TRPC4AP: variants seen among roughly 807,000 people sequenced by gnomAD.
TRPC4AP encodes the protein short transient receptor potential channel 4-associated protein.
Under a neutral mutation model 99.0 loss-of-function variants are expected in TRPC4AP, and 45 were observed. The ratio of observed to expected loss-of-function variants is 0.45; its 90% CI spans 0.36 to 0.58. TRPC4AP has a LOEUF of 0.58. Ranked by LOEUF, TRPC4AP falls within the 20% of genes least tolerant of loss-of-function variation. The probability of loss-of-function intolerance (pLI) is 0.00; values close to 1 mark genes in which losing one functional copy is unlikely to be tolerated. For missense variants in TRPC4AP, 879 were observed against 985.3 expected, an observed-to-expected ratio of 0.89 and a Z score of 1.44; for synonymous variants, 408 against 385.8, an observed-to-expected ratio of 1.06 and a Z score of -0.67.
At chr20:35,091,918 G>C (rs2085077514) in intron 1 of TRPC4AP, among the ~76,000 whole-genome samples, 1 of 152,140 alleles carries the variant, frequency 6.6e-6, no homozygotes. Flanking sequence ...ACCTGCCCAA[G>C]CAAGAGAGAG....
At chr20:35,087,607 G>A (rs2084924268) in intron 1 of TRPC4AP, among the ~76,000 whole-genome samples, 1 of 152,098 alleles carries the variant, frequency 6.6e-6, no homozygotes, top group East Asian at 1.9e-4. Context: ...ATCATTTGGG[G>A]CCTTGTACGC....
At chr20:35,068,978 C>CACA (rs748790693) in intron 3 of TRPC4AP, among the ~76,000 whole-genome samples, 9 of 95,192 alleles carry the variant, frequency 9.5e-5, no homozygotes, top group South Asian at 2.8e-4. Flanking sequence ...CACACACACA[C>CACA]AAAAAAAACA....
intron 9 of TRPC4AP, among the ~76,000 whole-genome samples, chr20:35,018,199 G>A (rs6120797): frequency 0.19 from 28,176 of 152,136 alleles, 2,702 homozygotes; most frequent in Middle Eastern, 0.34. Context: ...GGAAGAGAGG[G>A]GCCTTCTAAG....
chr20:35,046,063 A>G (rs1469295427), intron 6 of TRPC4AP, among the ~76,000 whole-genome samples: 1 of 152,214 alleles, frequency 6.6e-6, no homozygotes, highest in Non-Finnish European at 1.5e-5. Flanking sequence ...CTGTGTACAC[A>G]TGTATGTGAC....
intron 5 of TRPC4AP, among the ~76,000 whole-genome samples, chr20:35,052,176 C>T (rs1355094153): frequency 2.6e-5 from 4 of 151,354 alleles, no homozygotes; most frequent in East Asian, 1.9e-4. Flanking sequence ...CATGGCTCAC[C>T]GCAGCCTTAA....
chr20:35,058,754 A>G (rs1220507172), intron 3 of TRPC4AP, among the ~76,000 whole-genome samples: 2 of 130,816 alleles, frequency 1.5e-5, no homozygotes, highest in African/African-American at 3.0e-5. Context: ...CAATAGCCCT[A>G]TCTCGGCTCA....
intron 7 of TRPC4AP, among the ~76,000 whole-genome samples, chr20:35,038,646 G>T (rs371635382): frequency 6.6e-6 from 1 of 152,094 alleles, no homozygotes; most frequent in African/African-American, 2.4e-5. Flanking sequence ...CCCATGATTG[G>T]GCATGTATAG....
chr20:35,092,472 C>G (rs2085100973), intron 1 of TRPC4AP, 142 bp downstream of exon 1: 1 of 1,013,934 alleles, frequency 9.9e-7, no homozygotes, highest in African/African-American at 1.7e-5. Flanking sequence ...TGAGAGCGTC[C>G]GGGCAGCTCA....
intron 8 of TRPC4AP, among the ~76,000 whole-genome samples, chr20:35,031,874 CTTGA>C (rs2083203703): frequency 6.6e-6 from 1 of 151,914 alleles, no homozygotes; most frequent in Non-Finnish European, 1.5e-5. Context: ...ATTTTTTCAT[CTTGA>C]TTATTATACT....
intron 2 of TRPC4AP, among the ~76,000 whole-genome samples, chr20:35,076,073 G>A (rs1029933475): frequency 2.2e-4 from 33 of 151,996 alleles, no homozygotes; most frequent in Non-Finnish European, 1.5e-4. Context: ...TTGTGCATGC[G>A]TCACGTAGTT....
At chr20:35,066,138 T>G (rs1481746127) in intron 3 of TRPC4AP, among the ~76,000 whole-genome samples, 2 of 152,100 alleles carry the variant, frequency 1.3e-5, no homozygotes, top group African/African-American at 2.4e-5. Flanking sequence ...GGGGTCTTGC[T>G]CTGTCACCCA....
chr20:35,056,869 C>T (rs2083841337), intron 4 of TRPC4AP, among the ~76,000 whole-genome samples: 1 of 149,956 alleles, frequency 6.7e-6, no homozygotes, highest in African/African-American at 2.5e-5. Context: ...GCCTGTAATC[C>T]CAGCTACTTG....
chr20:35,048,080 C>A (rs2083601237), intron 6 of TRPC4AP, among the ~76,000 whole-genome samples: 1 of 152,136 alleles, frequency 6.6e-6, no homozygotes, highest in African/African-American at 2.4e-5. Context: ...TCCTTGATTG[C>A]CAATCAAGTT....
chr20:35,011,728 C>G (rs1320952501), intron 11 of TRPC4AP, among the ~76,000 whole-genome samples: 2 of 152,204 alleles, frequency 1.3e-5, no homozygotes, highest in South Asian at 2.1e-4. Context: ...GGTCTTCCCT[C>G]GTTCAGGGGC....
chr20:35,024,854 A>AAAAAAAAAAAAAAAT lies in TRPC4AP; in HGVS notation c.1052-3499_1052-3498insATTTTTTTTTTTTTT, dbSNP rs1479270980. 2.2e-4 allele frequency among the ~76,000 whole-genome samples: 20 copies of AAAAAAAAAAAAAAAT among 89,472 alleles called. 4 individuals are homozygous for AAAAAAAAAAAAAAAT. Among genetic ancestry groups the AAAAAAAAAAAAAAAT allele is most frequent in the East Asian group, 8.8e-4 (2 of 2,280 alleles). 58.7% of individuals were successfully genotyped at this position (89,472 alleles called of 152,430 possible). On this transcript the variant is annotated intron_variant, in intron 8 of 18. Coordinates refer to ENST00000252015, the MANE Select transcript of TRPC4AP (RefSeq NM_015638.3). ...AAAAAAAAAAAAAAAAAAAAAAAAA[A>AAAAAAAAAAAAAAAT]ATTCTGTTTATTCATTAATCAGGTG...
chr20:35,027,380 G>A (rs1243675503), intron 8 of TRPC4AP, among the ~76,000 whole-genome samples: 1 of 152,152 alleles, frequency 6.6e-6, no homozygotes, highest in Non-Finnish European at 1.5e-5. Flanking sequence ...AACCAAACTT[G>A]CATAAATCCA....
chr20:35,074,211 G>A (rs993986850), intron 2 of TRPC4AP, among the ~76,000 whole-genome samples: 1 of 151,664 alleles, frequency 6.6e-6, no homozygotes, highest in Admixed American at 6.6e-5. Context: ...TGATCTTTTC[G>A]AAAAACGAGC....
At chr20:35,027,849 G>A (rs986944255) in intron 8 of TRPC4AP, among the ~76,000 whole-genome samples, 3 of 151,908 alleles carry the variant, frequency 2.0e-5, no homozygotes, top group Non-Finnish European at 2.9e-5. Context: ...TGGTTGTAAC[G>A]TACCTTCTTT....
At chr20:35,028,129 C>T (rs900032568) in intron 8 of TRPC4AP, among the ~76,000 whole-genome samples, 2 of 151,928 alleles carry the variant, frequency 1.3e-5, no homozygotes, top group African/African-American at 4.8e-5. Flanking sequence ...ATTTATAGCT[C>T]TAAAGTTCCC....
Sources: allele counts gnomAD v4.1 joint callset (sites outside exome capture counted in the v4.1 genomes callset), GRCh38; gene constraint gnomAD v4.1.1; transcripts MANE v1.5; gene names NCBI Gene and HGNC (gene_info 2026-07-23, HGNC 2026-07-21).